GNAS: variants seen among roughly 807,000 people sequenced by gnomAD.
GNAS encodes the protein GNAS complex locus.
A neutral mutation model predicts 54.5 loss-of-function variants in GNAS; 8 were observed. The observed-to-expected ratio is 0.15, with a 90% CI of 0.09 to 0.26. The LOEUF (loss-of-function observed/expected upper bound fraction) is 0.26. Among genes scored for constraint, GNAS ranks in the 10% least tolerant of loss-of-function variants. The pLI is 1.00. For synonymous variants in GNAS, 204 were observed against 191.4 expected (o/e 1.07, Z -0.54); for missense variants, 170 against 529.8 (o/e 0.32, Z 6.67).
chr20:58,857,485 T>C lies in GNAS; in HGVS notation c.43+16599T>C, dbSNP rs1336801888. On this transcript the variant is annotated intron_variant, in intron 1 of 12. Transcript: ENST00000306090. The surrounding 1 kb of genome is among the most constrained non-coding windows in gnomAD (Gnocchi z 4.1). ...CCTGTAGATTGGGGGTGGGAGGACATAAATGCATACAGACAGGAGACCCAA... is the reference window on the plus strand; with the variant it reads ...CCTGTAGATTGGGGGTGGGAGGACACAAATGCATACAGACAGGAGACCCAA... Among the ~76,000 whole-genome samples the C allele has an allele frequency of 6.6e-6, 1 of 152,164 alleles. No homozygotes were observed. Among genetic ancestry groups the C allele is most frequent in the Non-Finnish European group, 1.5e-5 (1 of 68,016 alleles).
At chr20:58,855,316 A>T (rs1218079489) in intron 1 of GNAS, 1 of 1,573,516 alleles carries the variant, frequency 6.4e-7, no homozygotes, top group Non-Finnish European at 8.6e-7. Flanking sequence ...ATGTGTACGC[A>T]CCGCCTGCTG....
intron 2 of GNAS, chr20:58,898,690 G>T: frequency 1.7e-6 from 1 of 588,284 alleles, no homozygotes; most frequent in Non-Finnish European, 3.0e-6. Context: ...TCTCCGACCA[G>T]AGTCTCCAGA....
intron 1 of GNAS, among the ~76,000 whole-genome samples, chr20:58,871,450 A>G (rs1467775501): frequency 3.3e-5 from 5 of 152,052 alleles, no homozygotes; most frequent in South Asian, 2.1e-4. Context: ...CATCATCTCT[A>G]CTAAAAATAC....
At chr20:58,890,297 G>GGAGGGCGCCGTC (rs1206673719), upstream of GNAS, among the ~76,000 whole-genome samples, 1 of 147,798 alleles carries the variant, frequency 6.8e-6, no homozygotes, top group Non-Finnish European at 1.5e-5. Flanking sequence ...AGGGCGCCGA[G>GGAGGGCGCCGTC]GAGGGCGCCG....
Position 58,891,562 on chromosome 20 carries a change from C to G in GNAS, c.-165C>G, listed in dbSNP as rs1386601780. 1.0e-6 allele frequency: 1 copy of G among 969,440 alleles called. No homozygotes were observed. Among genetic ancestry groups the G allele is most frequent in the Non-Finnish European group, 1.2e-6 (1 of 819,872 alleles). 60.1% of individuals were successfully genotyped at this position (969,440 alleles called of 1,614,324 possible). A position where few individuals can be genotyped will look rare whatever the true frequency, so the allele number is the denominator to read the frequency against. On this transcript the variant is annotated 5_prime_UTR_variant, in exon 1 of 13. Coordinates refer to ENST00000371085, the MANE Select transcript of GNAS (RefSeq NM_000516.7). ...TCCCCTTCCCGCCCGTCCGCGCGCCCCGCGGCCCGCGGCCCGCAGTCCGCC... is the reference window on the plus strand; with the variant it reads ...TCCCCTTCCCGCCCGTCCGCGCGCCGCGCGGCCCGCGGCCCGCAGTCCGCC...
intron 2 of GNAS, chr20:58,898,136 C>T (rs2090248144): frequency 6.6e-6 from 1 of 152,242 alleles, no homozygotes; most frequent in African/African-American, 2.4e-5. Context: ...AAAAACAAAA[C>T]ATAAACACCA....
chr20:58,910,518 C>T lies in GNAS; in HGVS notation c.1038+117C>T, dbSNP rs1021440214. On this transcript the variant is annotated intron_variant, in intron 12 of 12. Transcript: ENST00000371085. This position sits in a 1 kb window ranked among gnomAD's most constrained non-coding sequence, Gnocchi z 5.8. ...TACCCAGTTCCATGGTTTTAGTTCACGCACATCCAGTGTGGATTTGAGCTC... is the reference window on the plus strand; with the variant it reads ...TACCCAGTTCCATGGTTTTAGTTCATGCACATCCAGTGTGGATTTGAGCTC... The T allele has an allele frequency of 1.1e-5, 12 of 1,130,714 alleles. No individual in the cohort carries two copies. Among genetic ancestry groups the T allele is most frequent in the African/African-American group, 7.6e-5 (5 of 65,500 alleles). 70.0% of individuals were successfully genotyped at this position (1,130,714 alleles called of 1,614,324 possible). A position where few individuals can be genotyped will look rare whatever the true frequency, so the allele number is the denominator to read the frequency against.
At position 58,902,725 on chromosome 20, in the gene GNAS, CTTTTTTTTTTT is replaced by C. The variant is rs60022134; in HGVS notation, c.258-788_258-778del. 2.8e-3 allele frequency among the ~76,000 whole-genome samples: 192 copies of C among 69,506 alleles called. 2 individuals carry two copies. Among genetic ancestry groups the C allele is most frequent in the African/African-American group, 9.0e-3 (135 of 15,014 alleles). The allele number at this position is 69,506 out of a possible 152,430, so 45.6% of individuals were successfully genotyped here. A position where few individuals can be genotyped will look rare whatever the true frequency, so the allele number is the denominator to read the frequency against. ...AGTGCCTGGAGCATCGCACATACGA[CTTTTTTTTTTT>C]TTTTTTTTTTTTTTTTTGACAGAGT... is the stretch of plus-strand genomic sequence containing the variant. On this transcript the variant is annotated intron_variant, in intron 3 of 12. Transcript: ENST00000371085.
At chr20:58,844,815 A>AAAC (rs543894474) in intron 1 of GNAS, among the ~76,000 whole-genome samples, 4 of 152,028 alleles carry the variant, frequency 2.6e-5, no homozygotes, top group South Asian at 2.1e-4. Context: ...AAACAAAACA[A>AAAC]AACAACAACA....
intron 1 of GNAS, chr20:58,854,884 C>T (rs772710903): frequency 2.5e-6 from 4 of 1,593,298 alleles, no homozygotes; most frequent in South Asian, 1.1e-5. Flanking sequence ...GCTGCCGATC[C>T]GCCTACTCCG....
At chr20:58,887,889 T>C (rs59421821), upstream of GNAS, among the ~76,000 whole-genome samples, 44 of 152,270 alleles carry the variant, frequency 2.9e-4, no homozygotes, top group African/African-American at 1.1e-3. Context: ...AAAAATAATA[T>C]GTGGCATCTT....
At chr20:58,855,670 G>A in intron 1 of GNAS, 1 of 660,672 alleles carries the variant, frequency 1.5e-6, no homozygotes, top group Non-Finnish European at 2.8e-6. Flanking sequence ...CCGGGGAGGG[G>A]CCCCGGGGCC....
At position 58,903,561 on chromosome 20, in the gene GNAS, A is replaced by G. The variant is rs755397365; in HGVS notation, c.288A>G (p.Lys96=). Residue 96 remains lysine (K), a synonymous_variant, in exon 4 of 13, where the codon AAA becomes AAG. Coordinates refer to ENST00000371085, the MANE Select transcript of GNAS (RefSeq NM_000516.7). ...GEKATKVQDI[K]NNLKEAIETI... The stretch of plus-strand genomic sequence containing the variant: ...AGGCAACCAAAGTGCAGGACATCAA[A>G]AACAACCTGAAAGAGGCGATTGAAG... The G allele has an allele frequency of 6.2e-7, 1 of 1,614,222 alleles. No individual in the cohort carries two copies. The highest frequency in any genetic ancestry group is 8.5e-7 in the Non-Finnish European group (1 of 1,180,022).
At chr20:58,893,799 G>A (rs1396439753) in intron 1 of GNAS, among the ~76,000 whole-genome samples, 3 of 152,216 alleles carry the variant, frequency 2.0e-5, no homozygotes, top group South Asian at 2.1e-4. Context: ...TGCTATCTCA[G>A]TACTACTTTA....
intron 1 of GNAS, among the ~76,000 whole-genome samples, chr20:58,894,499 ATTAAAAG>A (rs1004280255): frequency 1.3e-5 from 2 of 152,256 alleles, no homozygotes; most frequent in African/African-American, 4.8e-5. Context: ...AAACAATACA[ATTAAAAG>A]TTAAAAAGAA....
intron 1 of GNAS, chr20:58,854,075 G>C: frequency 6.2e-7 from 1 of 1,611,916 alleles, no homozygotes; most frequent in Non-Finnish European, 8.5e-7. Context: ...CTCCCGCCGC[G>C]AACGCGCCTC....
In GNAS at chr20:58,910,224, C is replaced by A; in HGVS notation, c.971-110C>A. On this transcript the variant is annotated intron_variant, in intron 11 of 12. Coordinates refer to ENST00000371085, the MANE Select transcript of GNAS (RefSeq NM_000516.7). The surrounding 1 kb of genome is among the most constrained non-coding windows in gnomAD (Gnocchi z 5.8). ...CAAGAAAAACGCACTCCCACTAATT[C>A]TCATATGGAAAAATCAGGGTTTTGA... is the stretch of plus-strand genomic sequence containing the variant. 1 of 1,257,122 alleles carries A rather than the reference C, an allele frequency of 8.0e-7. No individual in the cohort carries two copies. Among genetic ancestry groups the A allele is most frequent in the Non-Finnish European group, 1.2e-6 (1 of 854,490 alleles). The allele number at this position is 1,257,122 out of a possible 1,614,324, so 77.9% of individuals were successfully genotyped here.
chr20:58,875,168 G>T (rs2087723053), intron 1 of GNAS, among the ~76,000 whole-genome samples: 1 of 152,136 alleles, frequency 6.6e-6, no homozygotes, highest in Admixed American at 6.5e-5. Context: ...GAGATTTATA[G>T]AATTATTAAG....
rs919196 is a variant in GNAS at position 58,909,030 on chromosome 20, T to C, written c.531-132T>C. ...AATGTAACCAACACACAAGCAAATGTGCCATTGACTTAGTGCTGCATAACT... is the reference window on the plus strand; with the variant it reads ...AATGTAACCAACACACAAGCAAATGCGCCATTGACTTAGTGCTGCATAACT... On this transcript the variant is annotated intron_variant, in intron 6 of 12. Coordinates refer to ENST00000371085, the MANE Select transcript of GNAS (RefSeq NM_000516.7). The surrounding 1 kb of genome is among the most constrained non-coding windows in gnomAD (Gnocchi z 7.3). 148,899 of 796,524 alleles carry C rather than the reference T, an allele frequency of 0.19. 15,141 individuals carry two copies. The highest frequency in any genetic ancestry group is 0.3 in the African/African-American group (17,893 of 59,488). The allele number at this position is 796,524 out of a possible 1,614,324, so 49.3% of individuals were successfully genotyped here.
Sources: allele counts gnomAD v4.1 joint callset (sites outside exome capture counted in the v4.1 genomes callset), GRCh38; gene constraint gnomAD v4.1.1; non-coding constraint Gnocchi (gnomAD v3.1); transcripts MANE v1.5; gene names NCBI Gene and HGNC (gene_info 2026-07-23, HGNC 2026-07-21).